ADAM20: variants seen among roughly 807,000 people sequenced by gnomAD.
ADAM20 encodes the protein ADAM metallopeptidase domain 20, also known as disintegrin and metalloproteinase domain-containing protein 20.
For missense variants in ADAM20, 871 were observed against 883.2 expected (o/e 0.99, Z 0.18); for synonymous variants, 305 against 310.2 (o/e 0.98, Z 0.18).
the ADAM20 span, among the ~76,000 whole-genome samples, chr14:70,543,280 G>A: frequency 6.6e-6 from 1 of 152,186 alleles, no homozygotes; most frequent in Non-Finnish European, 1.5e-5. Flanking sequence ...TTGGGGGAAT[G>A]CTTTACCGAC....
chr14:70,539,663 CTG>C (rs1454713684), upstream of ADAM20, among the ~76,000 whole-genome samples: 2 of 152,200 alleles, frequency 1.3e-5, no homozygotes, highest in East Asian at 3.8e-4. Flanking sequence ...TATGGAAAGA[CTG>C]TGTTTCTGTT....
At chr14:70,542,876 T>C in the ADAM20 span, among the ~76,000 whole-genome samples, 3 of 151,422 alleles carry the variant, frequency 2.0e-5, no homozygotes, top group Non-Finnish European at 2.9e-5. Flanking sequence ...GAGGTGGAGG[T>C]TGCAGTGAGC....
At chr14:70,570,529 G>T in the ADAM20 span, among the ~76,000 whole-genome samples, 1 of 152,126 alleles carries the variant, frequency 6.6e-6, no homozygotes, top group Non-Finnish European at 1.5e-5. Context: ...TAGGAGAAAT[G>T]GATATATTCC....
At chr14:70,557,690 G>C in the ADAM20 span, among the ~76,000 whole-genome samples, 1 of 152,204 alleles carries the variant, frequency 6.6e-6, no homozygotes, top group South Asian at 2.1e-4. Context: ...TCCATGGGCT[G>C]CATGTGGGCC....
At chr14:70,576,347 C>T in the ADAM20 span, among the ~76,000 whole-genome samples, 4 of 152,074 alleles carry the variant, frequency 2.6e-5, no homozygotes, top group African/African-American at 9.7e-5. Context: ...TTAGCCTTAA[C>T]TTTAACTTTA....
At chr14:70,543,924 C>T in the ADAM20 span, among the ~76,000 whole-genome samples, 1 of 152,312 alleles carries the variant, frequency 6.6e-6, no homozygotes, top group South Asian at 2.1e-4. Flanking sequence ...TGATCAAAAA[C>T]TGCCTAAATC....
At chr14:70,535,181 A>C (rs1237177265), upstream of ADAM20, among the ~76,000 whole-genome samples, 2 of 152,214 alleles carry the variant, frequency 1.3e-5, no homozygotes, top group African/African-American at 2.4e-5. Flanking sequence ...TATTTAATTT[A>C]ATGTAATTAA....
chr14:70,569,517 T>C, the ADAM20 span, among the ~76,000 whole-genome samples: 5 of 152,146 alleles, frequency 3.3e-5, no homozygotes, highest in South Asian at 2.1e-4. Flanking sequence ...CTGCCTTCAA[T>C]AGATCTACCT....
rs767576326 is a variant in ADAM20, at chr14:70,523,658, T to C, written c.1100A>G (p.His367Arg). 12 of 1,613,998 alleles carry C rather than the reference T, an allele frequency of 7.4e-6. No homozygotes were observed. The highest frequency in any genetic ancestry group is 6.8e-6 in the Non-Finnish European group (8 of 1,179,984). Residue 367 changes from histidine to arginine, a missense_variant, in exon 2 of 2, where the codon CAT becomes CGT. Transcript: ENST00000256389. Reference protein sequence around the residue: ...CVCELQWCIMHAYRKVTTKFS... With the variant: ...CVCELQWCIMRAYRKVTTKFS... ...TTTAGTTGTCACCTTTCTATAGGCATGCATTATGCACCACTGTAGCTCGCA... is the reference window on the plus strand; with the variant it reads ...TTTAGTTGTCACCTTTCTATAGGCACGCATTATGCACCACTGTAGCTCGCA...
At chr14:70,525,004 C>G in intron 1 of ADAM20, 71 bp from the exon 2 acceptor site, 1 of 1,304,496 alleles carries the variant, frequency 7.7e-7, no homozygotes, top group Non-Finnish European at 1.1e-6. Flanking sequence ...CAAAGTGATT[C>G]CTGCATTTGG....
rs759360250 is a variant in ADAM20 at position 70,534,796 on chromosome 14, C to T, written c.-177+1G>A. The T allele has an allele frequency of 6.6e-6, 1 of 152,130 alleles. No individual in the cohort carries two copies. Among genetic ancestry groups the T allele is most frequent in the Non-Finnish European group, 1.5e-5 (1 of 68,026 alleles). The allele number at this position is 152,130 out of a possible 1,614,324, so 9.4% of individuals were successfully genotyped here. ...CTGTAGCTCCTTCTAGCAAATCTTA[C>T]CTCTGTGTCTTTCAGTGTTCCATTT... On this transcript the variant is annotated splice_donor_variant, in intron 1 of 1. Coordinates refer to ENST00000256389, the MANE Select transcript of ADAM20 (RefSeq NM_003814.5). LOFTEE classifies it low-confidence loss of function (5UTR_SPLICE).
the ADAM20 span, among the ~76,000 whole-genome samples, chr14:70,566,387 T>G: frequency 0.036 from 5,462 of 152,078 alleles, 117 homozygotes; most frequent in Middle Eastern, 0.058. Flanking sequence ...AATATGTTTA[T>G]GTAAGTCCCA....
chr14:70,541,443 T>G, the ADAM20 span, among the ~76,000 whole-genome samples: 1 of 152,180 alleles, frequency 6.6e-6, no homozygotes, highest in African/African-American at 2.4e-5. Flanking sequence ...GTAAAGGAAA[T>G]TCTGTAAATT....
the ADAM20 span, among the ~76,000 whole-genome samples, chr14:70,570,104 T>C: frequency 6.6e-6 from 1 of 151,472 alleles, no homozygotes; most frequent in Non-Finnish European, 1.5e-5. Flanking sequence ...ATCAAGTATC[T>C]TCTTGGACAA....
chr14:70,523,900 G>C lies in ADAM20; in HGVS notation c.858C>G (p.Asn286Lys). The stretch of plus-strand genomic sequence containing the variant: ...CATCATGTTGTAGTCGATTATTAAG[G>C]TTATAATTCTTCCAAATAGAAAAGT... The part of the protein sequence containing the change: ...LEDFSIWKNY[N>K]LNNRLQHDVA... Residue 286 changes from asparagine to lysine, a missense_variant, in exon 2 of 2, where the codon AAC becomes AAG. Coordinates refer to ENST00000256389, the MANE Select transcript of ADAM20 (RefSeq NM_003814.5). 1 of 1,613,896 alleles carries C rather than the reference G, an allele frequency of 6.2e-7. No individual in the cohort carries two copies. The highest frequency in any genetic ancestry group is 8.5e-7 in the Non-Finnish European group (1 of 1,179,916).
In ADAM20 at chr14:70,522,484, A is replaced by T; in HGVS notation, c.*93T>A. On this transcript the variant is annotated 3_prime_UTR_variant, in exon 2 of 2. Coordinates refer to ENST00000256389, the MANE Select transcript of ADAM20 (RefSeq NM_003814.5). ...ATGAAATGTCCATGAAGTTTTATTT[A>T]AACAGTGAGACATGGCTTCATATTT... 1 of 1,256,840 alleles carries T rather than the reference A, an allele frequency of 8.0e-7. No homozygotes were observed. The highest frequency in any genetic ancestry group is 1.6e-5 in the South Asian group (1 of 61,462). 77.9% of individuals were successfully genotyped at this position (1,256,840 alleles called of 1,614,324 possible).
the ADAM20 span, among the ~76,000 whole-genome samples, chr14:70,575,256 G>A: frequency 1.4e-4 from 21 of 151,908 alleles, no homozygotes; most frequent in African/African-American, 3.4e-4. Context: ...ATGCAGTGAC[G>A]TGATCTCAGC....
the ADAM20 span, among the ~76,000 whole-genome samples, chr14:70,544,376 C>G: frequency 6.6e-6 from 1 of 152,148 alleles, no homozygotes; most frequent in Non-Finnish European, 1.5e-5. Context: ...GAACATCCTT[C>G]TAAATGACCA....
chr14:70,523,242 T>C lies in ADAM20; in HGVS notation c.1516A>G (p.Lys506Glu). ...TGTATATCATGGTTATTACACGTCTTTTCATAGCAGAAGGCATTCACATTA... is the reference window on the plus strand; with the variant it reads ...TGTATATCATGGTTATTACACGTCTCTTCATAGCAGAAGGCATTCACATTA... Reference protein sequence around the residue: ...SCNVNAFCYEKTCNNHDIQCK... With the variant: ...SCNVNAFCYEETCNNHDIQCK... Residue 506 changes from lysine to glutamate, a missense_variant, in exon 2 of 2, where the codon AAG (lysine) becomes GAG (glutamate). Transcript: ENST00000256389. 1 of 1,614,010 alleles carries C rather than the reference T, an allele frequency of 6.2e-7. No individual in the cohort carries two copies. The highest frequency in any genetic ancestry group is 8.5e-7 in the Non-Finnish European group (1 of 1,179,938).
Sources: allele counts gnomAD v4.1 joint callset (sites outside exome capture counted in the v4.1 genomes callset), GRCh38; gene constraint gnomAD v4.1.1; transcripts MANE v1.5; gene names NCBI Gene and HGNC (gene_info 2026-07-23, HGNC 2026-07-21).